The following DPYD variants were observed in gnomAD, a reference collection of about 807,000 sequenced individuals.
DPYD encodes the protein dihydropyrimidine dehydrogenase, also known as dihydropyrimidine dehydrogenase [NADP(+)].
Under a neutral mutation model 116.2 loss-of-function variants are expected in DPYD, and 109 were observed. The observed-to-expected ratio is 0.94, with a 90% CI of 0.80 to 1.10. The LOEUF is 1.10. DPYD is among the 50% of genes least tolerant of loss of function. The pLI is 0.00. For missense variants in DPYD, 1,302 were observed against 1,254.5 expected (o/e 1.04, Z -0.57); for synonymous variants, 440 against 432.0 (o/e 1.02, Z -0.23).
chr1:97,232,765 T>C (rs890963197), intron 19 of DPYD, among the ~76,000 whole-genome samples: 2 of 152,242 alleles, frequency 1.3e-5, no homozygotes, highest in African/African-American at 2.4e-5. Flanking sequence ...CTTTATATCT[T>C]CTATTTCTTT....
intron 4 of DPYD, among the ~76,000 whole-genome samples, chr1:97,739,830 TA>T (rs111353149): frequency 6.6e-6 from 1 of 151,546 alleles, no homozygotes. Context: ...CATTGATTTT[TA>T]AAAAAAAATA....
At chr1:97,281,351 A>G in intron 18 of DPYD, among the ~76,000 whole-genome samples, 1 of 151,896 alleles carries the variant, frequency 6.6e-6, no homozygotes, top group East Asian at 1.9e-4. Flanking sequence ...CCAGATCACA[A>G]GAGATAAAGA....
In DPYD at chr1:97,153,660, G is replaced by T. The variant is rs1450295379; in HGVS notation, c.2622+39409C>A. 3.3e-5 allele frequency among the ~76,000 whole-genome samples: 5 copies of T among 151,948 alleles called. 1 individual carries two copies. The highest frequency in any genetic ancestry group is 4.4e-5 in the Non-Finnish European group (3 of 67,970). On this transcript the variant is annotated intron_variant, in intron 20 of 22. Coordinates refer to ENST00000370192, the MANE Select transcript of DPYD (RefSeq NM_000110.4). ...AAAGATAATAGATGAGACTTAATTA[G>T]ACTAAAAACTTCCTGTATAGCAAAA...
rs906910766 is a variant in DPYD, at chr1:97,721,726, C to A, written c.322-55G>T. On this transcript the variant is annotated intron_variant, in intron 4 of 22. Transcript: ENST00000370192. ...CTACTTAAAAATATACTTTAAACAG[C>A]CAAATTACGACAAACATTATTTCTT... is the stretch of plus-strand genomic sequence containing the variant. The A allele has an allele frequency of 2.6e-6, 4 of 1,515,146 alleles. No homozygotes were observed. In the East Asian group the frequency reaches 7.2e-5, roughly 27 times the overall value. The allele number at this position is 1,515,146 out of a possible 1,614,324, so 93.9% of individuals were successfully genotyped here. A position where few individuals can be genotyped will look rare whatever the true frequency, so the allele number is the denominator to read the frequency against.
chr1:97,248,816 C>T (rs753278834), intron 18 of DPYD, among the ~76,000 whole-genome samples: 1 of 152,056 alleles, frequency 6.6e-6, no homozygotes, highest in Non-Finnish European at 1.5e-5. Flanking sequence ...CATATACTCA[C>T]AAGAAGCAAT....
At chr1:97,546,075 T>A in intron 12 of DPYD, 1 of 1,406,164 alleles carries the variant, frequency 7.1e-7, no homozygotes, top group Non-Finnish European at 1.0e-6. Context: ...CACAGTAGGA[T>A]CCTTAGTTAC....
chr1:97,234,573 A>C (rs896592530), intron 19 of DPYD, among the ~76,000 whole-genome samples: 1 of 151,998 alleles, frequency 6.6e-6, no homozygotes, highest in Non-Finnish European at 1.5e-5. Flanking sequence ...GGAGGACAGT[A>C]CTCATTTTGG....
At chr1:97,618,650 T>C (rs1656447053) in intron 8 of DPYD, among the ~76,000 whole-genome samples, 1 of 152,206 alleles carries the variant, frequency 6.6e-6, no homozygotes, top group Non-Finnish European at 1.5e-5. Context: ...CGCCAGTCTA[T>C]GGCTACACAA....
Position 97,724,462 on chromosome 1 carries a change from ATGTT to A in DPYD, c.322-2795_322-2792del, listed in dbSNP as rs574675068. On this transcript the variant is annotated intron_variant, in intron 4 of 22. Transcript: ENST00000370192. ...GCCAGCTGGAGACACAGAAGAGCCA[ATGTT>A]TTAGTTCAAGTCTCAGTTGGAAGGC... Among the ~76,000 whole-genome samples, 9 of 151,372 alleles carry A rather than the reference ATGTT, an allele frequency of 5.9e-5. No homozygotes were observed. The South Asian group carries it at 1.9e-3, about 31-fold the overall frequency.
At chr1:97,782,011 C>T (rs1004610061) in intron 3 of DPYD, among the ~76,000 whole-genome samples, 1 of 152,094 alleles carries the variant, frequency 6.6e-6, no homozygotes, top group Non-Finnish European at 1.5e-5. Flanking sequence ...TGTCTCATTC[C>T]AATCCTTTAT....
intron 16 of DPYD, among the ~76,000 whole-genome samples, chr1:97,314,764 G>A (rs968743557): frequency 4.6e-5 from 7 of 151,810 alleles, no homozygotes; most frequent in Admixed American, 3.3e-4. Context: ...TGCTTCTGCC[G>A]GCTAATCCCA....
chr1:97,592,631 T>G (rs2102250302), intron 10 of DPYD, among the ~76,000 whole-genome samples: 1 of 152,312 alleles, frequency 6.6e-6, no homozygotes, highest in Middle Eastern at 3.4e-3. Context: ...CCTCCCAAAG[T>G]GCTGGGATTA....
At chr1:97,216,514 C>A (rs1008677327) in intron 19 of DPYD, among the ~76,000 whole-genome samples, 5 of 152,142 alleles carry the variant, frequency 3.3e-5, no homozygotes, top group Non-Finnish European at 5.9e-5. Context: ...GTGAGAGAAG[C>A]GGGGCACAGT....
chr1:97,243,756 G>T (rs893222573), intron 18 of DPYD, among the ~76,000 whole-genome samples: 4 of 151,870 alleles, frequency 2.6e-5, no homozygotes, highest in African/African-American at 9.7e-5. Flanking sequence ...TGTATAACTA[G>T]AGTAACCATA....
intron 20 of DPYD, among the ~76,000 whole-genome samples, chr1:97,127,141 G>A (rs1190119537): frequency 1.3e-5 from 2 of 152,094 alleles, no homozygotes; most frequent in Non-Finnish European, 2.9e-5. Flanking sequence ...TCTTGGACAC[G>A]AACAAGGCCT....
intron 16 of DPYD, among the ~76,000 whole-genome samples, chr1:97,358,070 C>A (rs1169889707): frequency 6.6e-6 from 1 of 152,190 alleles, no homozygotes; most frequent in Non-Finnish European, 1.5e-5. Context: ...TGAGAGATGG[C>A]ACCTGGAAAA....
rs573251905 is a variant in DPYD at position 97,231,865 on chromosome 1, G to A, written c.2442+2987C>T. ...TGCCCATGGTCACATCTGACAATGAGCAAGAGTCTCTTCTGAAACCCACTC... is the reference window on the plus strand; with the variant it reads ...TGCCCATGGTCACATCTGACAATGAACAAGAGTCTCTTCTGAAACCCACTC... On this transcript the variant is annotated intron_variant, in intron 19 of 22. Coordinates refer to ENST00000370192, the MANE Select transcript of DPYD (RefSeq NM_000110.4). Among the ~76,000 whole-genome samples the A allele has an allele frequency of 2.5e-4, 38 of 152,268 alleles. 1 individual carries two copies. The South Asian group carries it at 7.7e-3, about 31-fold the overall frequency.
chr1:97,216,845 A>G (rs1660437104), intron 19 of DPYD, among the ~76,000 whole-genome samples: 1 of 152,080 alleles, frequency 6.6e-6, no homozygotes. Context: ...TTTCCAATTG[A>G]GTAAATATTT....
intron 1 of DPYD, among the ~76,000 whole-genome samples, chr1:97,918,700 G>A (rs755436054): frequency 1.3e-5 from 2 of 152,182 alleles, no homozygotes; most frequent in Non-Finnish European, 2.9e-5. Context: ...GAAACCTGAG[G>A]TTCTGTAGTT....
Sources: allele counts gnomAD v4.1 joint callset (sites outside exome capture counted in the v4.1 genomes callset), GRCh38; gene constraint gnomAD v4.1.1; transcripts MANE v1.5; gene names NCBI Gene and HGNC (gene_info 2026-07-23, HGNC 2026-07-21).